The following POMT1 variants were observed in gnomAD, a reference collection of about 807,000 sequenced individuals.
POMT1 encodes protein O-mannosyltransferase 1, also known as protein O-mannosyl-transferase 1.
Under a neutral mutation model 101.6 loss-of-function variants are expected in POMT1, and 85 were observed. The observed-to-expected ratio is 0.84, with a 90% CI of 0.70 to 1.00. The LOEUF is 1.00. Ranked by LOEUF, POMT1 falls within the 50% of genes least tolerant of loss-of-function variation. POMT1 has a pLI of 0.00. For synonymous variants in POMT1, 371 were observed against 383.0 expected (o/e 0.97, Z 0.37); for missense variants, 857 against 930.4 (o/e 0.92, Z 1.03).
chr9:131,509,163 C>CT (rs199872944), intron 6 of POMT1, 141 bp downstream of exon 6: 468 of 676,470 alleles, frequency 6.9e-4, no homozygotes, highest in African/African-American at 3.3e-3. Flanking sequence ...TGCTAAATAT[C>CT]TTTTTTTTTG....
In POMT1 at chr9:131,518,819, C is replaced by T. The variant is rs1330257890; in HGVS notation, c.1366-18C>T. ...CGGCCTTCCCATCACGCCCTTTACT[C>T]TCCTGCGGTGTCACCAGCTGAGCGG... On this transcript the variant is annotated intron_variant, in intron 14 of 19. Coordinates refer to ENST00000402686, the MANE Select transcript of POMT1 (RefSeq NM_001077365.2). 1.9e-6 allele frequency: 3 copies of T among 1,613,834 alleles called. No homozygotes were observed. The highest frequency in any genetic ancestry group is 2.5e-6 in the Non-Finnish European group (3 of 1,180,056).
In POMT1 at chr9:131,522,817, G is replaced by A; in HGVS notation, c.2004-115G>A. ...AGGAGACAAGACACAGAAACCTGAA[G>A]GCAGAACCCCAGGCCTCGGGGGGTG... On this transcript the variant is annotated intron_variant, in intron 19 of 19. Transcript: ENST00000402686. This position sits in a 1 kb window ranked among gnomAD's most constrained non-coding sequence, Gnocchi z 5.5. 1 of 1,142,914 alleles carries A rather than the reference G, an allele frequency of 8.7e-7. No homozygotes were observed. Among genetic ancestry groups the A allele is most frequent in the South Asian group, 1.3e-5 (1 of 75,340 alleles). The allele number at this position is 1,142,914 out of a possible 1,614,324, so 70.8% of individuals were successfully genotyped here.
At chr9:131,504,429 T>A (rs1019282058) in intron 2 of POMT1, 89 bp downstream of exon 2, 1 of 1,596,342 alleles carries the variant, frequency 6.3e-7, no homozygotes, top group East Asian at 2.2e-5. Context: ...AATGGGAGAG[T>A]GAAATCCTGG....
In POMT1 at chr9:131,513,073, C is replaced by T. The variant is rs149829386; in HGVS notation, c.1083-166C>T. Among the ~76,000 whole-genome samples, 4 of 152,340 alleles carry T rather than the reference C, an allele frequency of 2.6e-5. No homozygotes were observed. In the East Asian group the frequency reaches 7.7e-4, roughly 29 times the overall value. On this transcript the variant is annotated intron_variant, in intron 11 of 19. Transcript: ENST00000402686. ...AATGACCTTTGGTTTCAGAAAAGAG[C>T]CCAATTAATGTCTGTGCTTTGGTTT...
intron 5 of POMT1, among the ~76,000 whole-genome samples, chr9:131,508,338 C>T (rs972928312): frequency 3.9e-5 from 6 of 152,038 alleles, no homozygotes; most frequent in East Asian, 1.9e-4. Context: ...CGAGACCATC[C>T]GGGCCAACAT....
chr9:131,522,904 CT>C lies in POMT1; in HGVS notation c.2004-27del. On this transcript the variant is annotated intron_variant, in intron 19 of 19. Transcript: ENST00000402686. The surrounding 1 kb of genome is among the most constrained non-coding windows in gnomAD (Gnocchi z 5.5). ...AGGGAAGCCGCAGTGGTCAGCCACCCTCCCCCACGCTGCTCTGACCTCTGCA... is the reference window on the plus strand; with the variant it reads ...AGGGAAGCCGCAGTGGTCAGCCACCCCCCCCACGCTGCTCTGACCTCTGCA... 2 of 1,563,346 alleles carry C rather than the reference CT, an allele frequency of 1.3e-6. No individual in the cohort carries two copies. Among genetic ancestry groups the C allele is most frequent in the East Asian group, 2.3e-5 (1 of 42,822 alleles).
chr9:131,510,599 C>A, intron 9 of POMT1, 184 bp downstream of exon 9: 1 of 790,014 alleles, frequency 1.3e-6, no homozygotes, highest in Non-Finnish European at 2.0e-6. Context: ...CGCCTCCTGG[C>A]TTCAAGCGAT....
At chr9:131,509,131 C>T in intron 6 of POMT1, 109 bp downstream of exon 6, 1 of 767,250 alleles carries the variant, frequency 1.3e-6, no homozygotes, top group Non-Finnish European at 2.2e-6. Context: ...GAGACAGTAC[C>T]TTTTCATTTT....
At chr9:131,520,707 GC>G (rs1438268043) in intron 17 of POMT1, among the ~76,000 whole-genome samples, 2 of 152,218 alleles carry the variant, frequency 1.3e-5, no homozygotes, top group Admixed American at 6.5e-5. Flanking sequence ...CCCAGAGGCC[GC>G]CCCACCCCGA....
intron 2 of POMT1, among the ~76,000 whole-genome samples, chr9:131,505,444 G>A (rs1257271417): frequency 6.6e-6 from 1 of 151,668 alleles, no homozygotes; most frequent in Non-Finnish European, 1.5e-5. Context: ...TGTATTTTTA[G>A]TAGAGAAGGG....
rs1432728385 is a variant in POMT1, at chr9:131,506,403, G to A, written c.230G>A (p.Gly77Asp). The A allele has an allele frequency of 1.2e-6, 2 of 1,612,578 alleles. No individual in the cohort carries two copies. The highest frequency in any genetic ancestry group is 1.7e-6 in the Non-Finnish European group (2 of 1,178,628). The change falls in exon 4 of 20, where the codon GGT (glycine) becomes GAT (aspartate). Residue 77 changes from glycine (G) to aspartate (D), a missense_variant and splice_region_variant. By Grantham distance (94) the Gly-to-Asp change is moderately conservative. Coordinates refer to ENST00000402686, the MANE Select transcript of POMT1 (RefSeq NM_001077365.2). ...PFGHMVLALG[G>D]YLGGFDGNFL... is the part of the protein sequence containing the mutation. ...GTTACTGATTAATCTTCTGTTTCAGGTTATTTAGGAGGATTCGATGGCAAT... is the reference window on the plus strand; with the variant it reads ...GTTACTGATTAATCTTCTGTTTCAGATTATTTAGGAGGATTCGATGGCAAT...
intron 8 of POMT1, 30 bp from the exon 9 acceptor site, chr9:131,510,230 G>C (rs111429426): frequency 2.5e-6 from 4 of 1,614,104 alleles, no homozygotes; most frequent in African/African-American, 1.3e-5. Flanking sequence ...CCACGCAGTG[G>C]AACATGACTT....
intron 13 of POMT1, chr9:131,516,651 T>G (rs1015744770): frequency 9.2e-5 from 14 of 152,678 alleles, no homozygotes; most frequent in African/African-American, 3.4e-4. Flanking sequence ...AACCTGGTGG[T>G]TTCCTGCATC....
intron 13 of POMT1, chr9:131,516,879 G>C (rs1347335090): frequency 6.6e-6 from 1 of 152,284 alleles, no homozygotes. Context: ...TTAGCCGTGA[G>C]TGCGGGGGAT....
intron 13 of POMT1, among the ~76,000 whole-genome samples, chr9:131,517,465 A>G (rs1018429752): frequency 5.3e-5 from 8 of 151,950 alleles, no homozygotes; most frequent in South Asian, 2.1e-4. Context: ...TTTTGTGGAG[A>G]TGGGGTCTTG....
rs1007091999 is a variant in POMT1 at position 131,522,111 on chromosome 9, C to T, written c.1890C>T (p.Leu630=). ...LCAGGWAVNY[L]PFFLMEKTLF... is the part of the protein sequence containing the mutation. ...CCGGTGGCTGGGCAGTGAACTACCT[C>T]CCGTTCTTCCTGATGGAGAAGACAC... is the stretch of plus-strand genomic sequence containing the variant. Residue 630 remains leucine (L), a synonymous_variant, in exon 19 of 20, where the codon CTC becomes CTT. Coordinates refer to ENST00000402686, the MANE Select transcript of POMT1 (RefSeq NM_001077365.2). This position sits in a 1 kb window ranked among gnomAD's most constrained non-coding sequence, Gnocchi z 5.5. 5 of 1,614,152 alleles carry T rather than the reference C, an allele frequency of 3.1e-6. No individual in the cohort carries two copies. Among genetic ancestry groups the T allele is most frequent in the Non-Finnish European group, 2.5e-6 (3 of 1,180,038 alleles).
chr9:131,513,090 C>T, intron 11 of POMT1, 149 bp from the exon 12 acceptor site: 1 of 697,860 alleles, frequency 1.4e-6, no homozygotes, highest in South Asian at 1.5e-5. Flanking sequence ...AATGTCTGTG[C>T]TTTGGTTTCC....
chr9:131,523,099 A>G lies in POMT1; in HGVS notation c.2171A>G (p.Lys724Arg), dbSNP rs778240416. The G allele has an allele frequency of 1.2e-6, 2 of 1,610,730 alleles. No homozygotes were observed. The highest frequency in any genetic ancestry group is 1.7e-5 in the Admixed American group (1 of 59,902). The change falls in exon 20 of 20, where the codon AAA (lysine) becomes AGA (arginine). Residue 724 changes from lysine to arginine, a missense_variant. Coordinates refer to ENST00000402686, the MANE Select transcript of POMT1 (RefSeq NM_001077365.2). ...GACAGCTGGGACATCTTGATCCGAA[A>G]ACACTAGAACAAGAGTGTGGCAAAG... Reference protein sequence around the residue: ...WKDSWDILIRKH With the variant: ...WKDSWDILIRRH
At chr9:131,512,605 C>A (rs1301944083) in intron 11 of POMT1, among the ~76,000 whole-genome samples, 1 of 151,950 alleles carries the variant, frequency 6.6e-6, no homozygotes, top group African/African-American at 2.4e-5. Context: ...TGGGCTTTTT[C>A]TTTTTTTTCT....
Sources: allele counts gnomAD v4.1 joint callset (sites outside exome capture counted in the v4.1 genomes callset), GRCh38; gene constraint gnomAD v4.1.1; non-coding constraint Gnocchi (gnomAD v3.1); transcripts MANE v1.5; gene names NCBI Gene and HGNC (gene_info 2026-07-23, HGNC 2026-07-21).